DOK6: variants seen among roughly 807,000 people sequenced by gnomAD.
The protein encoded by DOK6 is downstream of tyrosine kinase 6.
In DOK6, 22 loss-of-function variants were observed where a neutral mutation model predicts 44.0. That is an observed-to-expected ratio of 0.50 (90% confidence interval 0.36 to 0.71). DOK6 has a LOEUF of 0.71. DOK6 is among the 30% of genes least tolerant of loss of function. The pLI, the probability that DOK6 is intolerant of heterozygous loss-of-function variation, is 0.00. For missense variants in DOK6, 340 were observed against 416.4 expected (o/e 0.82, Z 1.60); for synonymous variants, 166 against 145.5 (o/e 1.14, Z -1.01).
At chr18:69,404,751 T>C (rs1175251794) in intron 1 of DOK6, among the ~76,000 whole-genome samples, 1 of 151,798 alleles carries the variant, frequency 6.6e-6, no homozygotes, top group Admixed American at 6.6e-5. Flanking sequence ...GGTGTTGATA[T>C]GTGTGGGTTC....
At chr18:69,520,293 C>T (rs1981649925) in intron 1 of DOK6, among the ~76,000 whole-genome samples, 1 of 151,378 alleles carries the variant, frequency 6.6e-6, no homozygotes. Flanking sequence ...ATATACAGTG[C>T]ACTGTTGGAT....
intron 1 of DOK6, among the ~76,000 whole-genome samples, chr18:69,544,849 C>G (rs1450523952): frequency 1.3e-5 from 2 of 151,358 alleles, no homozygotes; most frequent in Non-Finnish European, 3.0e-5. Flanking sequence ...AATTACAACC[C>G]GCCAGGTGCG....
chr18:69,483,297 T>C (rs913893440), intron 1 of DOK6, among the ~76,000 whole-genome samples: 1 of 151,968 alleles, frequency 6.6e-6, no homozygotes, highest in African/African-American at 2.4e-5. Flanking sequence ...AAAAAATCAA[T>C]GTGCACAAAT....
intron 3 of DOK6, among the ~76,000 whole-genome samples, chr18:69,620,329 A>G (rs1423565411): frequency 6.6e-6 from 1 of 152,168 alleles, no homozygotes; most frequent in Non-Finnish European, 1.5e-5. Context: ...GATAAATATC[A>G]CCTACTTCAT....
chr18:69,606,163 T>C (rs769728594), intron 3 of DOK6, among the ~76,000 whole-genome samples: 75 of 151,828 alleles, frequency 4.9e-4, no homozygotes, highest in Middle Eastern at 3.4e-3. Flanking sequence ...TCCCAGCTAC[T>C]TGGGAGGCTG....
chr18:69,430,835 G>A (rs570758143), intron 1 of DOK6, among the ~76,000 whole-genome samples: 7 of 152,056 alleles, frequency 4.6e-5, no homozygotes, highest in Non-Finnish European at 8.8e-5. Flanking sequence ...GCGTGGTGGC[G>A]GGTGCCTGTG....
At chr18:69,436,263 C>A (rs1231305833) in intron 1 of DOK6, among the ~76,000 whole-genome samples, 1 of 151,710 alleles carries the variant, frequency 6.6e-6, no homozygotes, top group African/African-American at 2.4e-5. Context: ...TGGTTTGCTG[C>A]ACCCATCAAC....
intron 1 of DOK6, among the ~76,000 whole-genome samples, chr18:69,507,201 G>T (rs1330712222): frequency 6.6e-6 from 1 of 151,878 alleles, no homozygotes; most frequent in African/African-American, 2.4e-5. Context: ...CTAATTTTTT[G>T]TATTTTCAGT....
At chr18:69,630,755 C>T (rs568241218) in intron 3 of DOK6, among the ~76,000 whole-genome samples, 79 of 152,320 alleles carry the variant, frequency 5.2e-4, no homozygotes, top group Middle Eastern at 3.4e-3. Context: ...TATACTGTGA[C>T]TGCATGTATT....
chr18:69,768,157 A>G (rs1979776570), intron 7 of DOK6, among the ~76,000 whole-genome samples: 1 of 152,202 alleles, frequency 6.6e-6, no homozygotes, highest in Admixed American at 6.5e-5. Context: ...CAAATAAATT[A>G]TACATATATA....
At chr18:69,502,150 T>C (rs1233903859) in intron 1 of DOK6, among the ~76,000 whole-genome samples, 1 of 152,040 alleles carries the variant, frequency 6.6e-6, no homozygotes, top group Non-Finnish European at 1.5e-5. Context: ...AGACACTAAG[T>C]GAAAGGATAC....
At chr18:69,527,160 G>C (rs918657267) in intron 1 of DOK6, among the ~76,000 whole-genome samples, 2 of 152,120 alleles carry the variant, frequency 1.3e-5, no homozygotes, top group African/African-American at 4.8e-5. Context: ...TAGTCTTACA[G>C]TCTTCATTCA....
chr18:69,833,444 A>G (rs1217902476), intron 7 of DOK6, among the ~76,000 whole-genome samples: 1 of 152,096 alleles, frequency 6.6e-6, no homozygotes, highest in South Asian at 2.1e-4. Flanking sequence ...AATACCTAAA[A>G]CTTCAGACTA....
In DOK6 at chr18:69,650,204, A is replaced by C. The variant is rs17081441; in HGVS notation, c.290-27530A>C. ...CTATGAAATTATCATCTTTAAAAAA[A>C]AACGTGGTTGGTTGATTTTATGTAT... On this transcript the variant is annotated intron_variant, in intron 3 of 7. Coordinates refer to ENST00000382713, the MANE Select transcript of DOK6 (RefSeq NM_152721.6). Among the ~76,000 whole-genome samples, 915 of 152,336 alleles carry C rather than the reference A, an allele frequency of 6.0e-3. 11 individuals are homozygous for C. The highest frequency in any genetic ancestry group is 0.02 in the African/African-American group (847 of 41,562).
chr18:69,737,371 G>T (rs66956675), intron 5 of DOK6, among the ~76,000 whole-genome samples: 1 of 152,016 alleles, frequency 6.6e-6, no homozygotes, highest in Non-Finnish European at 1.5e-5. Flanking sequence ...ATCAGATCTC[G>T]CGAGAACTCG....
rs932537947 is a variant in DOK6, at chr18:69,705,121, C to T, written c.599+6528C>T. 8 of 152,334 alleles carry T rather than the reference C, an allele frequency of 5.3e-5. No individual in the cohort carries two copies. The South Asian group carries it at 1.0e-3, about 20-fold the overall frequency. The allele number at this position is 152,334 out of a possible 1,614,324, so 9.4% of individuals were successfully genotyped here. ...GAGGATTTTCCTTTATCATTATCCT[C>T]CTTGTCCATATTCGAACTGGACGTT... On this transcript the variant is annotated intron_variant, in intron 5 of 7. Coordinates refer to ENST00000382713, the MANE Select transcript of DOK6 (RefSeq NM_152721.6).
intron 1 of DOK6, among the ~76,000 whole-genome samples, chr18:69,550,803 T>C (rs1057324262): frequency 7.1e-6 from 1 of 140,120 alleles, no homozygotes; most frequent in Non-Finnish European, 1.5e-5. Context: ...TTTTTTATTT[T>C]GAGACGGTCT....
intron 3 of DOK6, among the ~76,000 whole-genome samples, chr18:69,674,297 ATACAGAC>A (rs1253737298): frequency 1.3e-5 from 2 of 152,244 alleles, no homozygotes; most frequent in African/African-American, 4.8e-5. Flanking sequence ...AGCTCCAAGT[ATACAGAC>A]TACAAAGGTT....
At chr18:69,409,233 C>T (rs1212846487) in intron 1 of DOK6, among the ~76,000 whole-genome samples, 1 of 152,196 alleles carries the variant, frequency 6.6e-6, no homozygotes, top group Non-Finnish European at 1.5e-5. Context: ...CCTAGCCATG[C>T]AGAACTGTGA....
Sources: gnomAD v4.1 joint callset for allele counts (sites outside exome capture counted in the v4.1 genomes callset) on GRCh38, gnomAD v4.1.1 for gene constraint, MANE v1.5 for transcripts, NCBI Gene and HGNC (gene_info 2026-07-23, HGNC 2026-07-21) for gene names.